PRKCA: variants seen among roughly 807,000 people sequenced by gnomAD.
The protein encoded by PRKCA is protein kinase C alpha type.
Under a neutral mutation model 87.0 loss-of-function variants are expected in PRKCA, and 27 were observed. The ratio of observed to expected loss-of-function variants is 0.31; its 90% CI spans 0.23 to 0.43. The LOEUF (loss-of-function observed/expected upper bound fraction) is 0.43, where lower values mean the gene tolerates loss of function less well. Among genes scored for constraint, PRKCA ranks in the 20% least tolerant of loss-of-function variants. The pLI is 1.00. For missense variants in PRKCA, 518 were observed against 852.3 expected (o/e 0.61, Z 4.88); for synonymous variants, 329 against 311.1 (o/e 1.06, Z -0.61).
At chr17:66,508,709 ACT>A (rs1302755395) in intron 3 of PRKCA, among the ~76,000 whole-genome samples, 2 of 151,718 alleles carry the variant, frequency 1.3e-5, no homozygotes, top group South Asian at 2.1e-4. Context: ...TCTGCTTTCA[ACT>A]CTCTTTCCTC....
At chr17:66,456,449 A>G (rs1384845055) in intron 2 of PRKCA, among the ~76,000 whole-genome samples, 5 of 152,192 alleles carry the variant, frequency 3.3e-5, no homozygotes, top group East Asian at 1.9e-4. Context: ...CCAAGGCTCT[A>G]TAAGAGGCCA....
rs542729347 is a variant in PRKCA at position 66,807,794 on chromosome 17, C to A, written c.*3757C>A. 1 of 151,944 alleles carries A rather than the reference C, an allele frequency of 6.6e-6. No homozygotes were observed. Among genetic ancestry groups the A allele is most frequent in the African/African-American group, 2.4e-5 (1 of 41,310 alleles). 9.4% of individuals were successfully genotyped at this position (151,944 alleles called of 1,614,324 possible). ...AAGGAGGATGCAGACTTCCAGAGAG[C>A]CCCCCCAACGGACGTGCTGAGAAGG... On this transcript the variant is annotated 3_prime_UTR_variant, in exon 17 of 17. Transcript: ENST00000413366. The surrounding 1 kb of genome is among the most constrained non-coding windows in gnomAD (Gnocchi z 4.3).
chr17:66,723,637 A>C (rs1172826728), intron 8 of PRKCA, among the ~76,000 whole-genome samples: 4 of 151,378 alleles, frequency 2.6e-5, no homozygotes, highest in Non-Finnish European at 3.0e-5. Flanking sequence ...CAAAAAACAA[A>C]AAAAAAAAAA....
At chr17:66,646,634 G>C (rs957701736) in intron 5 of PRKCA, among the ~76,000 whole-genome samples, 1 of 152,284 alleles carries the variant, frequency 6.6e-6, no homozygotes, top group Non-Finnish European at 1.5e-5. Context: ...CATAGAAGAA[G>C]GGTTTAGGAG....
intron 3 of PRKCA, among the ~76,000 whole-genome samples, chr17:66,535,671 T>C (rs903154041): frequency 2.0e-5 from 3 of 152,210 alleles, no homozygotes; most frequent in African/African-American, 7.2e-5. Flanking sequence ...CCCTGTTGGA[T>C]CTGTCCTTCC....
intron 3 of PRKCA, among the ~76,000 whole-genome samples, chr17:66,569,491 C>T (rs943234870): frequency 2.0e-5 from 3 of 152,138 alleles, no homozygotes; most frequent in Non-Finnish European, 4.4e-5. Flanking sequence ...ATCGCTTGAA[C>T]CCAGGAGGTG....
At position 66,788,989 on chromosome 17, in the gene PRKCA, G is replaced by T; in HGVS notation, c.1854+10G>T. On this transcript the variant is annotated intron_variant, in intron 16 of 16. Coordinates refer to ENST00000413366, the MANE Select transcript of PRKCA (RefSeq NM_002737.3). ...ATTCAAGCCCAAAGTGGTGAGTCCA[G>T]AAAAGCAGCCTGTTTTCGGAACCCC... 1 of 1,613,936 alleles carries T rather than the reference G, an allele frequency of 6.2e-7. No individual in the cohort carries two copies. Among genetic ancestry groups the T allele is most frequent in the Non-Finnish European group, 8.5e-7 (1 of 1,179,962 alleles).
At chr17:66,418,704 G>A (rs1039198592) in intron 2 of PRKCA, among the ~76,000 whole-genome samples, 1 of 151,720 alleles carries the variant, frequency 6.6e-6, no homozygotes, top group Non-Finnish European at 1.5e-5. Context: ...CCTAAAGTGC[G>A]GGATTATAGG....
chr17:66,368,391 T>TTTTTG (rs1908889543), intron 2 of PRKCA, among the ~76,000 whole-genome samples: 1 of 106,896 alleles, frequency 9.4e-6, no homozygotes, highest in Non-Finnish European at 1.9e-5. Context: ...TATATATTTT[T>TTTTTG]TTTTTTTTTT....
At chr17:66,350,274 C>T (rs1907660189) in intron 2 of PRKCA, among the ~76,000 whole-genome samples, 1 of 151,978 alleles carries the variant, frequency 6.6e-6, no homozygotes, top group Non-Finnish European at 1.5e-5. Context: ...AGAGGAAGGG[C>T]TCAGGAAAGG....
At chr17:66,396,664 T>A (rs1198979871) in intron 2 of PRKCA, among the ~76,000 whole-genome samples, 1 of 150,192 alleles carries the variant, frequency 6.7e-6, no homozygotes, top group Non-Finnish European at 1.5e-5. Flanking sequence ...AGTCTCGCTC[T>A]GTTGCCCAGA....
intron 2 of PRKCA, among the ~76,000 whole-genome samples, chr17:66,310,806 G>A (rs1297290499): frequency 6.6e-6 from 1 of 152,188 alleles, no homozygotes; most frequent in Non-Finnish European, 1.5e-5. Flanking sequence ...GAAAAGGGAT[G>A]CGCCGTTGTC....
chr17:66,804,069 C>A lies in PRKCA; in HGVS notation c.*32C>A, dbSNP rs62621676. 2.3e-5 allele frequency: 37 copies of A among 1,584,770 alleles called. No individual in the cohort carries two copies. In the African/African-American group the frequency reaches 3.6e-4, roughly 16 times the overall value. Reference sequence around the variant, plus strand: ...CCAGCGAGAACAAACACCTCCCCAGCCCCCAGCCCTCCCCGCAGTGGGAAG... The same window carrying A: ...CCAGCGAGAACAAACACCTCCCCAGACCCCAGCCCTCCCCGCAGTGGGAAG... On this transcript the variant is annotated 3_prime_UTR_variant, in exon 17 of 17. Transcript: ENST00000413366.
At chr17:66,398,748 C>T (rs766166019) in intron 2 of PRKCA, among the ~76,000 whole-genome samples, 25 of 152,160 alleles carry the variant, frequency 1.6e-4, no homozygotes, top group African/African-American at 5.8e-4. Context: ...TGGGTGGCGT[C>T]GCGCTACTCA....
chr17:66,425,796 A>G (rs1454952412), intron 2 of PRKCA, among the ~76,000 whole-genome samples: 2 of 152,142 alleles, frequency 1.3e-5, no homozygotes, highest in South Asian at 2.1e-4. Context: ...GGTAACCCCA[A>G]TGCAAACGGC....
chr17:66,320,829 A>T (rs946853438), intron 2 of PRKCA, among the ~76,000 whole-genome samples: 3 of 152,230 alleles, frequency 2.0e-5, no homozygotes, highest in Non-Finnish European at 2.9e-5. Context: ...TAAATTACTC[A>T]TTAGTTAATC....
At chr17:66,568,289 A>G (rs1321649753) in intron 3 of PRKCA, among the ~76,000 whole-genome samples, 2 of 152,212 alleles carry the variant, frequency 1.3e-5, no homozygotes, top group Non-Finnish European at 2.9e-5. Flanking sequence ...ACTCCAGCCT[A>G]GACGACAGAA....
At chr17:66,791,560 C>T (rs1339243130) in intron 16 of PRKCA, among the ~76,000 whole-genome samples, 3 of 152,190 alleles carry the variant, frequency 2.0e-5, no homozygotes, top group East Asian at 1.9e-4. Flanking sequence ...GGAAGGGCAG[C>T]GATGTGCCTC....
intron 3 of PRKCA, among the ~76,000 whole-genome samples, chr17:66,630,459 G>A (rs535936047): frequency 1.3e-5 from 2 of 152,322 alleles, no homozygotes; most frequent in East Asian, 3.9e-4. Context: ...CCCCAACCTA[G>A]GGTCAGTCTT....
Sources: gnomAD v4.1 joint callset for allele counts (sites outside exome capture counted in the v4.1 genomes callset) on GRCh38, gnomAD v4.1.1 for gene constraint, Gnocchi (gnomAD v3.1) non-coding constraint, MANE v1.5 for transcripts, NCBI Gene and HGNC (gene_info 2026-07-23, HGNC 2026-07-21) for gene names.